B4GALT1: variants seen among roughly 807,000 people sequenced by gnomAD.
The protein encoded by B4GALT1 is beta-1,4-galactosyltransferase 1.
B4GALT1 carries 16 observed loss-of-function variants against 34.9 expected under a neutral mutation model. The observed-to-expected ratio is 0.46, with a 90% CI of 0.31 to 0.70. The LOEUF (loss-of-function observed/expected upper bound fraction) is 0.70. B4GALT1 is among the 30% of genes least tolerant of loss of function. The pLI is 0.05. For synonymous variants in B4GALT1, 221 were observed against 218.1 expected (o/e 1.01, Z -0.12); for missense variants, 445 against 530.5 (o/e 0.84, Z 1.58).
the B4GALT1 span, among the ~76,000 whole-genome samples, chr9:33,181,006 CCAACAGACTAT>C: frequency 2.0e-5 from 3 of 152,158 alleles, no homozygotes; most frequent in Non-Finnish European, 4.4e-5. Context: ...ACCCAGTTTG[CCAACAGACTAT>C]CAAATGCAGC....
At chr9:33,127,061 A>G (rs567224574) in intron 2 of B4GALT1, among the ~76,000 whole-genome samples, 3 of 152,106 alleles carry the variant, frequency 2.0e-5, no homozygotes, top group Admixed American at 6.5e-5. Context: ...TCCCGGGTTC[A>G]TATCATTCTC....
chr9:33,110,444 A>G (rs1056490489), downstream of B4GALT1, among the ~76,000 whole-genome samples: 5 of 152,202 alleles, frequency 3.3e-5, no homozygotes, highest in Admixed American at 3.3e-4. Context: ...ATATATCGTC[A>G]CTTTTAAGCC....
At chr9:33,139,803 C>T (rs1840322276) in intron 1 of B4GALT1, among the ~76,000 whole-genome samples, 1 of 152,254 alleles carries the variant, frequency 6.6e-6, no homozygotes, top group South Asian at 2.1e-4. Flanking sequence ...TGACAGGCCT[C>T]AAGCCGAGCC....
At chr9:33,128,788 C>T (rs1840150316) in intron 2 of B4GALT1, among the ~76,000 whole-genome samples, 1 of 152,082 alleles carries the variant, frequency 6.6e-6, no homozygotes, top group African/African-American at 2.4e-5. Context: ...GCCATAAGCC[C>T]AGGCAGCTGT....
chr9:33,109,599 T>G (rs376677160), downstream of B4GALT1, among the ~76,000 whole-genome samples: 251 of 152,294 alleles, frequency 1.6e-3, 1 homozygote, highest in African/African-American at 5.7e-3. Flanking sequence ...GCCCAGGAGT[T>G]TCAGGCCAGC....
the B4GALT1 span, among the ~76,000 whole-genome samples, chr9:33,178,106 C>T: frequency 6.7e-6 from 1 of 150,060 alleles, no homozygotes; most frequent in African/African-American, 2.5e-5. Context: ...ATCCTCCCAA[C>T]TCAGCCTCCC....
intron 2 of B4GALT1, among the ~76,000 whole-genome samples, chr9:33,126,667 G>GTTAACTATT (rs1358355119): frequency 3.0e-5 from 1 of 32,834 alleles, no homozygotes; most frequent in African/African-American, 6.8e-5. Flanking sequence ...ATAGCAATAT[G>GTTAACTATT]GTAGCTCAGA....
intron 1 of B4GALT1, among the ~76,000 whole-genome samples, chr9:33,161,657 T>C (rs1840677233): frequency 6.6e-6 from 1 of 152,162 alleles, no homozygotes; most frequent in Non-Finnish European, 1.5e-5. Context: ...AAGCCAAATG[T>C]AAAACTGTCA....
intron 2 of B4GALT1, among the ~76,000 whole-genome samples, chr9:33,134,022 C>T (rs867818475): frequency 1.3e-5 from 2 of 152,220 alleles, no homozygotes; most frequent in Non-Finnish European, 2.9e-5. Flanking sequence ...TGGCAGCCAC[C>T]ATCCAATCAC....
the B4GALT1 span, chr9:33,178,988 C>T: frequency 6.6e-6 from 1 of 152,188 alleles, no homozygotes; most frequent in African/African-American, 2.4e-5. Flanking sequence ...TCTATTTCTT[C>T]TGTGATGCCC....
intron 1 of B4GALT1, among the ~76,000 whole-genome samples, chr9:33,157,268 C>A (rs1277627357): frequency 6.6e-6 from 1 of 152,152 alleles, no homozygotes; most frequent in African/African-American, 2.4e-5. Flanking sequence ...TGATTCCAAA[C>A]CTCTTGGAAA....
chr9:33,164,347 T>C (rs546787180), intron 1 of B4GALT1, among the ~76,000 whole-genome samples: 1 of 152,306 alleles, frequency 6.6e-6, no homozygotes. Flanking sequence ...CTTTCAGCTT[T>C]CTCAAGGCCT....
chr9:33,121,129 C>T (rs886940956), intron 2 of B4GALT1, among the ~76,000 whole-genome samples: 1 of 152,198 alleles, frequency 6.6e-6, no homozygotes, highest in Non-Finnish European at 1.5e-5. Flanking sequence ...TTGATGACCA[C>T]ATTGTGTGCC....
rs1839891796 is a variant in B4GALT1, at chr9:33,113,371, G to C, written c.*83C>G. 2 of 1,599,732 alleles carry C rather than the reference G, an allele frequency of 1.3e-6. No individual in the cohort carries two copies. The highest frequency in any genetic ancestry group is 1.7e-6 in the Non-Finnish European group (2 of 1,168,296). On this transcript the variant is annotated 3_prime_UTR_variant, in exon 6 of 6. Transcript: ENST00000379731. ...CTGTCACTCAGACTGGTAAAAATGA[G>C]AGGGACCAGCCCAGCAGATTGGCAG... is the stretch of plus-strand genomic sequence containing the variant.
intron 3 of B4GALT1, among the ~76,000 whole-genome samples, chr9:33,120,027 T>C (rs1839996908): frequency 6.6e-6 from 1 of 151,336 alleles, no homozygotes; most frequent in South Asian, 2.1e-4. Context: ...CTACAAAATA[T>C]ACAAAAATTA....
chr9:33,176,708 G>A, the B4GALT1 span, among the ~76,000 whole-genome samples: 1 of 152,258 alleles, frequency 6.6e-6, no homozygotes, highest in African/African-American at 2.4e-5. Context: ...TCCAGCAGAG[G>A]TGGAGGGACA....
chr9:33,110,105 T>G (rs1284601560), downstream of B4GALT1, among the ~76,000 whole-genome samples: 1 of 152,260 alleles, frequency 6.6e-6, no homozygotes, highest in Non-Finnish European at 1.5e-5. Context: ...ACTGGTTTCC[T>G]GCAGCCCTTC....
chr9:33,142,514 T>G (rs1323679557), intron 1 of B4GALT1, among the ~76,000 whole-genome samples: 1 of 152,138 alleles, frequency 6.6e-6, no homozygotes, highest in Admixed American at 6.6e-5. Context: ...ATGTCTTGGG[T>G]ACACCACACA....
intron 1 of B4GALT1, among the ~76,000 whole-genome samples, chr9:33,152,997 G>A (rs948408138): frequency 6.6e-6 from 1 of 152,132 alleles, no homozygotes; most frequent in South Asian, 2.1e-4. Flanking sequence ...CCAGGAGTTC[G>A]AGTCCAGCCT....
Sources: gnomAD v4.1 joint callset for allele counts (sites outside exome capture counted in the v4.1 genomes callset) on GRCh38, gnomAD v4.1.1 for gene constraint, MANE v1.5 for transcripts, NCBI Gene and HGNC (gene_info 2026-07-23, HGNC 2026-07-21) for gene names.